Variants in ACTL6B observed in about 807,000 individuals in gnomAD.
The protein encoded by ACTL6B is actin like 6B, also known as actin-like protein 6B.
In ACTL6B, 48 loss-of-function variants were observed where a neutral mutation model predicts 63.3. The ratio of observed to expected loss-of-function variants is 0.76; its 90% CI spans 0.60 to 0.96. The LOEUF is 0.96. ACTL6B is among the 50% of genes least tolerant of loss of function. ACTL6B has a pLI of 0.00. For synonymous variants in ACTL6B, 230 were observed against 223.8 expected, an observed-to-expected ratio of 1.03 and a Z score of -0.25; for missense variants, 350 against 572.2, an observed-to-expected ratio of 0.61 and a Z score of 3.96.
At position 100,655,524 on chromosome 7, in the gene ACTL6B, C is replaced by A. The variant is rs755662949; in HGVS notation, c.165G>T (p.Glu55Asp). 6.2e-7 allele frequency: 1 copy of A among 1,614,182 alleles called. No homozygotes were observed. Among genetic ancestry groups the A allele is most frequent in the Non-Finnish European group, 8.5e-7 (1 of 1,180,010 alleles). ...AAEEGGGLEL[E>D]GDKEKKGKIF... ...TCTTCCCTTTCTTCTCTTTGTCCCCCTCCAGCTCCAGCCCGCCCCCCTCCT... is the reference window on the plus strand; with the variant it reads ...TCTTCCCTTTCTTCTCTTTGTCCCCATCCAGCTCCAGCCCGCCCCCCTCCT... Residue 55 changes from glutamate to aspartate, a missense_variant, in exon 3 of 14, where the codon GAG (glutamate) becomes GAT (aspartate). Glu to Asp is a conservative substitution (Grantham distance 45). Around this residue, in one of 3 missense-constraint regions of ACTL6B, gnomAD observed 250 missense variants for 364.7 expected, o/e 0.69. Transcript: ENST00000160382. This position sits in a 1 kb window ranked among gnomAD's most constrained non-coding sequence, Gnocchi z 4.4.
chr7:100,655,040 TG>T lies in ACTL6B; in HGVS notation c.347del (p.Pro116GlnfsTer18). On this transcript the variant is annotated frameshift_variant, in exon 4 of 14. Transcript: ENST00000160382. LOFTEE classifies it high-confidence loss of function. This position sits in a 1 kb window ranked among gnomAD's most constrained non-coding sequence, Gnocchi z 4.4. Reference sequence around the variant, plus strand: ...TCACCGGAGCCTCGGACATGAGCACTGGGTGCAGGTTTGGCTCAGACTTGAC... The same window carrying T: ...TCACCGGAGCCTCGGACATGAGCACTGGTGCAGGTTTGGCTCAGACTTGAC... ...KHVKSEPNLH[P>X]VLMSEAPWNT... 1 of 1,613,982 alleles carries T rather than the reference TG, an allele frequency of 6.2e-7. No homozygotes were observed. Among genetic ancestry groups the T allele is most frequent in the Non-Finnish European group, 8.5e-7 (1 of 1,179,962 alleles).
chr7:100,656,001 G>A (rs926598440), intron 1 of ACTL6B, 122 bp from the exon 2 acceptor site: 5 of 1,038,552 alleles, frequency 4.8e-6, no homozygotes, highest in Admixed American at 5.2e-5. Flanking sequence ...TGGGGCCGGT[G>A]GGAGCTGGGC....
At chr7:100,652,956 G>A (rs373151277) in intron 4 of ACTL6B, among the ~76,000 whole-genome samples, 16 of 119,956 alleles carry the variant, frequency 1.3e-4, no homozygotes, top group East Asian at 2.9e-4. Context: ...AGCTGAGATC[G>A]CACCACTGCA....
chr7:100,646,536 G>A lies in ACTL6B; in HGVS notation c.1113+15C>T. The stretch of plus-strand genomic sequence containing the variant: ...GACGGGTGTCCAGGGCTCTGGGTCA[G>A]GGGTGGGCTCCTACCGGTGGGGTCT... On this transcript the variant is annotated intron_variant, in intron 12 of 13. Coordinates refer to ENST00000160382, the MANE Select transcript of ACTL6B (RefSeq NM_016188.5). This position sits in a 1 kb window ranked among gnomAD's most constrained non-coding sequence, Gnocchi z 6.1. 1 of 1,613,686 alleles carries A rather than the reference G, an allele frequency of 6.2e-7. No homozygotes were observed. The highest frequency in any genetic ancestry group is 8.5e-7 in the Non-Finnish European group (1 of 1,179,722).
In ACTL6B at chr7:100,655,278, G is replaced by A; in HGVS notation, c.268+143C>T. 8.0e-7 allele frequency: 1 copy of A among 1,250,082 alleles called. No homozygotes were observed. Among genetic ancestry groups the A allele is most frequent in the South Asian group, 1.4e-5 (1 of 71,936 alleles). The allele number at this position is 1,250,082 out of a possible 1,614,324, so 77.4% of individuals were successfully genotyped here. A position where few individuals can be genotyped will look rare whatever the true frequency, so the allele number is the denominator to read the frequency against. ...AGAAACCTGGTGGGCCCCTGGGAAG[G>A]GAACCCAGCGAGAAGAACCCTGGCA... On this transcript the variant is annotated intron_variant, in intron 3 of 13. Coordinates refer to ENST00000160382, the MANE Select transcript of ACTL6B (RefSeq NM_016188.5). This position sits in a 1 kb window ranked among gnomAD's most constrained non-coding sequence, Gnocchi z 4.4.
chr7:100,649,364 A>T (rs989117079), intron 5 of ACTL6B, among the ~76,000 whole-genome samples: 1 of 145,560 alleles, frequency 6.9e-6, no homozygotes, highest in African/African-American at 2.6e-5. Context: ...GCTGGAATGC[A>T]ATAGCTCACT....
chr7:100,651,619 T>C (rs1052188656), intron 4 of ACTL6B, among the ~76,000 whole-genome samples: 1 of 152,064 alleles, frequency 6.6e-6, no homozygotes, highest in African/African-American at 2.4e-5. Flanking sequence ...AGTCTCACTC[T>C]GTCGCCCAGG....
chr7:100,654,432 CATAATAATAATAATA>C lies in ACTL6B; in HGVS notation c.369+572_369+586del, dbSNP rs146623180. On this transcript the variant is annotated intron_variant, in intron 4 of 13. Transcript: ENST00000160382. ...ACATCCCCAGCTCACCAAAGTTGACCATAATAATAATAATAATAATAATAATAATAATAATAATAA... is the reference window on the plus strand; with the variant it reads ...ACATCCCCAGCTCACCAAAGTTGACCATAATAATAATAATAATAATAATAA... Among the ~76,000 whole-genome samples the C allele has an allele frequency of 5.8e-4, 80 of 137,430 alleles. 1 individual carries two copies. In the South Asian group the frequency reaches 0.011, roughly 19 times the overall value. 90.2% of individuals were successfully genotyped at this position (137,430 alleles called of 152,430 possible).
intron 5 of ACTL6B, 164 bp downstream of exon 5, chr7:100,649,874 G>C (rs1331395056): frequency 1.6e-6 from 1 of 618,576 alleles, no homozygotes; most frequent in African/African-American, 1.8e-5. Flanking sequence ...GAGGTGCTCA[G>C]TCCACTGGGC....
rs1803865453 is a variant in ACTL6B at position 100,648,297 on chromosome 7, C to G, written c.669+259G>C. On this transcript the variant is annotated intron_variant, in intron 7 of 13. Coordinates refer to ENST00000160382, the MANE Select transcript of ACTL6B (RefSeq NM_016188.5). This position sits in a 1 kb window ranked among gnomAD's most constrained non-coding sequence, Gnocchi z 4.4. ...TGCACGGCAGAGGCAGAACTTGAAC[C>G]TGGGTCTATATTGGACCCTAGAACC... The G allele has an allele frequency of 3.2e-6, 1 of 312,180 alleles. No individual in the cohort carries two copies. Among genetic ancestry groups the G allele is most frequent in the Non-Finnish European group, 5.9e-6 (1 of 170,368 alleles). The allele number at this position is 312,180 out of a possible 1,614,324, so 19.3% of individuals were successfully genotyped here. A position where few individuals can be genotyped will look rare whatever the true frequency, so the allele number is the denominator to read the frequency against.
At chr7:100,652,107 A>G (rs1461536493) in intron 4 of ACTL6B, among the ~76,000 whole-genome samples, 1 of 150,310 alleles carries the variant, frequency 6.7e-6, no homozygotes, top group African/African-American at 2.4e-5. Context: ...AAGAAATGAA[A>G]TTGATGAGAG....
Position 100,654,306 on chromosome 7 carries a change from G to A in ACTL6B, c.369+713C>T, listed in dbSNP as rs1803997068. Among the ~76,000 whole-genome samples the A allele has an allele frequency of 1.3e-5, 2 of 151,078 alleles. 1 individual carries two copies. The highest frequency in any genetic ancestry group is 2.9e-5 in the Non-Finnish European group (2 of 67,806). ...TAATTTTTATTGTTTTAATAAAAGA[G>A]ACGGGTCTTGCCATATTGCCTAGGG... On this transcript the variant is annotated intron_variant, in intron 4 of 13. Coordinates refer to ENST00000160382, the MANE Select transcript of ACTL6B (RefSeq NM_016188.5).
At chr7:100,652,581 A>G (rs1233680306) in intron 4 of ACTL6B, among the ~76,000 whole-genome samples, 3 of 143,584 alleles carry the variant, frequency 2.1e-5, no homozygotes, top group Non-Finnish European at 3.1e-5. Flanking sequence ...GAGCAAGACT[A>G]TGTCTCAAAA....
chr7:100,653,493 T>A (rs1367678624), intron 4 of ACTL6B, among the ~76,000 whole-genome samples: 1 of 151,816 alleles, frequency 6.6e-6, no homozygotes, highest in Non-Finnish European at 1.5e-5. Context: ...CTAAAAAAAA[T>A]TTAAAAATCA....
chr7:100,652,175 G>A (rs530757884), intron 4 of ACTL6B, among the ~76,000 whole-genome samples: 28 of 152,014 alleles, frequency 1.8e-4, no homozygotes, highest in Admixed American at 1.6e-3. Flanking sequence ...GAGGCCGGCG[G>A]ATCGCGAGGT....
rs1422051449 is a variant in ACTL6B, at chr7:100,647,515, C to G, written c.688G>C (p.Ala230Pro). The part of the protein sequence containing the change: ...IAAKEPVREG[A>P]PPNWKKKEKL... ...TCCTTCTTCTTCCAGTTTGGGGGGGCACCCTCCCGGACAGGCTCCTGTGGG... is the reference window on the plus strand; with the variant it reads ...TCCTTCTTCTTCCAGTTTGGGGGGGGACCCTCCCGGACAGGCTCCTGTGGG... The change falls in exon 8 of 14, where the codon GCC becomes CCC. Residue 230 changes from alanine to proline, a missense_variant. Around this residue, in one of 3 missense-constraint regions of ACTL6B, gnomAD observed 250 missense variants for 364.7 expected, o/e 0.69. Coordinates refer to ENST00000160382, the MANE Select transcript of ACTL6B (RefSeq NM_016188.5). This position sits in a 1 kb window ranked among gnomAD's most constrained non-coding sequence, Gnocchi z 4.4. 6.2e-7 allele frequency: 1 copy of G among 1,605,390 alleles called. No homozygotes were observed. The highest frequency in any genetic ancestry group is 1.7e-5 in the Admixed American group (1 of 59,352).
chr7:100,644,106 G>T (rs756940651), intron 13 of ACTL6B, among the ~76,000 whole-genome samples: 2 of 152,066 alleles, frequency 1.3e-5, no homozygotes, highest in Non-Finnish European at 2.9e-5. Context: ...CGCCATGTTG[G>T]CCAAGCTGGT....
chr7:100,656,161 G>A (rs1804036591), intron 1 of ACTL6B, among the ~76,000 whole-genome samples, 169 bp downstream of exon 1: 1 of 152,250 alleles, frequency 6.6e-6, no homozygotes, highest in Admixed American at 6.5e-5. Context: ...GGCCCTGTGC[G>A]CGCGGGGCGT....
intron 13 of ACTL6B, among the ~76,000 whole-genome samples, chr7:100,645,763 C>G (rs532906796): frequency 3.3e-5 from 5 of 151,978 alleles, no homozygotes; most frequent in Non-Finnish European, 7.4e-5. Context: ...TCCTGAATAG[C>G]TGGGATTACA....
Sources: allele counts gnomAD v4.1 joint callset (sites outside exome capture counted in the v4.1 genomes callset), GRCh38; gene constraint gnomAD v4.1.1; regional missense constraint gnomAD v4.1.1; non-coding constraint Gnocchi (gnomAD v3.1); transcripts MANE v1.5; gene names NCBI Gene and HGNC (gene_info 2026-07-23, HGNC 2026-07-21).